Variants in ALMS1 observed in about 807,000 individuals in gnomAD.
The protein encoded by ALMS1 is ALMS1 centrosome and basal body associated protein.
Under a neutral mutation model 352.2 loss-of-function variants are expected in ALMS1, and 271 were observed. The ratio of observed to expected loss-of-function variants is 0.77; its 90% CI spans 0.70 to 0.85. The LOEUF is 0.85. Among genes scored for constraint, ALMS1 ranks in the 40% least tolerant of loss-of-function variants. The pLI is 0.00. For missense variants in ALMS1, 5,445 were observed against 4,870.7 expected (o/e 1.12, Z -3.51); for synonymous variants, 1,865 against 1,761.2 (o/e 1.06, Z -1.48).
At chr2:73,504,544 T>C (rs956540726) in intron 10 of ALMS1, among the ~76,000 whole-genome samples, 2 of 152,186 alleles carry the variant, frequency 1.3e-5, no homozygotes, top group Non-Finnish European at 2.9e-5. Flanking sequence ...CATGTAAACT[T>C]TGAGATGTGT....
At chr2:73,558,904 T>G (rs1573019338) in intron 14 of ALMS1, 68 bp from the exon 15 acceptor site, 35 of 1,518,884 alleles carry the variant, frequency 2.3e-5, no homozygotes, top group Non-Finnish European at 2.8e-5. Context: ...AATACGTACT[T>G]GAGAGACATT....
At chr2:73,545,782 A>G (rs187435019) in intron 12 of ALMS1, among the ~76,000 whole-genome samples, 40 of 152,326 alleles carry the variant, frequency 2.6e-4, no homozygotes, top group African/African-American at 9.6e-4. Flanking sequence ...AAAAGAGGAG[A>G]GAAAGAATTT....
rs1473195991 is a variant in ALMS1, at chr2:73,572,855, G to C, written c.10978G>C (p.Val3660Leu). 6.2e-7 allele frequency: 1 copy of C among 1,614,080 alleles called. No homozygotes were observed. Among genetic ancestry groups the C allele is most frequent in the South Asian group, 1.1e-5 (1 of 91,074 alleles). The stretch of plus-strand genomic sequence containing the variant: ...TGATGATAGCAGAGGGGAACGAAGT[G>C]TGAAGGAATGGAGTGGTAGACAACA... The part of the protein sequence containing the change: ...THDDSRGERS[V>L]KEWSGRQQQR... The change falls in exon 16 of 23, where the codon GTG becomes CTG. Residue 3660 changes from valine (V) to leucine (L), a missense_variant. Transcript: ENST00000613296.
chr2:73,523,768 C>A (rs1341825383), intron 11 of ALMS1, among the ~76,000 whole-genome samples: 1 of 151,404 alleles, frequency 6.6e-6, no homozygotes, highest in Non-Finnish European at 1.5e-5. Context: ...CTCCTTCCCC[C>A]TTCCCCACCA....
Position 73,455,172 on chromosome 2 carries a change from G to A in ALMS1, c.7551G>A (p.Met2517Ile), listed in dbSNP as rs1672033866. The A allele has an allele frequency of 6.2e-7, 1 of 1,613,302 alleles. No individual in the cohort carries two copies. Among genetic ancestry groups the A allele is most frequent in the Non-Finnish European group, 8.5e-7 (1 of 1,179,746 alleles). Residue 2517 changes from methionine to isoleucine, a missense_variant, in exon 9 of 23, where the codon ATG becomes ATA. Met to Ile is a conservative substitution (Grantham distance 10, BLOSUM62 1). Transcript: ENST00000613296. ...ATGCTTTCTCTCCAGCCTGGAATAT[G>A]AAGTTCAATTTAGCACATGATTGTG... ...ESRVRAHAWNMKFNLAHDCGY... is the reference protein window; with the variant it reads ...ESRVRAHAWNIKFNLAHDCGY...
At chr2:73,495,220 A>G (rs1673079756) in intron 10 of ALMS1, among the ~76,000 whole-genome samples, 1 of 151,466 alleles carries the variant, frequency 6.6e-6, no homozygotes, top group Non-Finnish European at 1.5e-5. Flanking sequence ...CCCTCTTTTT[A>G]TTGTTGTTGT....
intron 16 of ALMS1, among the ~76,000 whole-genome samples, chr2:73,578,151 C>G (rs575211646): frequency 1.8e-4 from 28 of 152,252 alleles, no homozygotes; most frequent in African/African-American, 6.5e-4. Flanking sequence ...TCTCTTGTAA[C>G]AATTTTTAAT....
chr2:73,450,917 C>G lies in ALMS1; in HGVS notation c.4390C>G (p.Gln1464Glu), dbSNP rs904289501. 1.2e-6 allele frequency: 2 copies of G among 1,613,988 alleles called. No individual in the cohort carries two copies. Among genetic ancestry groups the G allele is most frequent in the South Asian group, 1.1e-5 (1 of 91,058 alleles). ...TTCAGTTGCTCCTGGACCAGTTGAC[C>G]AGACGATTGGCACACCAACTGTAAC... The part of the protein sequence containing the change: ...EVSVAPGPVD[Q>E]TIGTPTVTSP... The change falls in exon 8 of 23, where the codon CAG (glutamine) becomes GAG (glutamate). Residue 1464 changes from glutamine (Q) to glutamate (E), a missense_variant. Coordinates refer to ENST00000613296, the MANE Select transcript of ALMS1 (RefSeq NM_001378454.1).
chr2:73,571,252 A>G (rs575120797), intron 15 of ALMS1, among the ~76,000 whole-genome samples: 1 of 152,328 alleles, frequency 6.6e-6, no homozygotes, highest in South Asian at 2.1e-4. Flanking sequence ...GGATCCCATC[A>G]TTGCATGTGT....
intron 16 of ALMS1, among the ~76,000 whole-genome samples, chr2:73,590,358 A>G (rs1171459243): frequency 3.3e-5 from 5 of 152,200 alleles, no homozygotes; most frequent in Admixed American, 3.3e-4. Flanking sequence ...TGTTCCAAAT[A>G]CCCATGGAAT....
chr2:73,555,162 CAAAA>C (rs1674518116), intron 13 of ALMS1, among the ~76,000 whole-genome samples: 1 of 151,926 alleles, frequency 6.6e-6, no homozygotes, highest in African/African-American at 2.4e-5. Flanking sequence ...TATGGAAAAT[CAAAA>C]AACGTATATT....
intron 15 of ALMS1, among the ~76,000 whole-genome samples, chr2:73,564,763 C>G (rs1421716665): frequency 6.6e-6 from 1 of 152,144 alleles, no homozygotes; most frequent in Non-Finnish European, 1.5e-5. Context: ...GTGGGCTACA[C>G]TCTTACTATA....
chr2:73,583,303 T>C (rs1421498827), intron 16 of ALMS1, among the ~76,000 whole-genome samples: 2 of 151,982 alleles, frequency 1.3e-5, no homozygotes, highest in Admixed American at 1.3e-4. Context: ...GCTGGGATTA[T>C]AGGCATGAGC....
chr2:73,491,007 C>G lies in ALMS1; in HGVS notation c.9048C>G (p.Phe3016Leu). ...CTAATATAAATGTTGAAGCCAAGTT[C>G]AATACTGTGGTCTCCCAGTCAGCCC... Reference protein sequence around the residue: ...HISNINVEAKFNTVVSQSAPN... With the variant: ...HISNINVEAKLNTVVSQSAPN... The change falls in exon 10 of 23, where the codon TTC becomes TTG. Residue 3016 changes from phenylalanine to leucine, a missense_variant. Coordinates refer to ENST00000613296, the MANE Select transcript of ALMS1 (RefSeq NM_001378454.1). The G allele has an allele frequency of 6.2e-7, 1 of 1,614,208 alleles. No homozygotes were observed.
intron 16 of ALMS1, among the ~76,000 whole-genome samples, chr2:73,593,587 A>G (rs1474957740): frequency 6.6e-6 from 1 of 152,106 alleles, no homozygotes; most frequent in South Asian, 2.1e-4. Flanking sequence ...TTCTTGACAT[A>G]TTTTCCATGC....
intron 10 of ALMS1, among the ~76,000 whole-genome samples, chr2:73,502,485 C>G (rs1489805544): frequency 3.3e-5 from 5 of 152,064 alleles, no homozygotes; most frequent in African/African-American, 1.2e-4. Flanking sequence ...GCCCTGTTCC[C>G]TATTCCTGGA....
At chr2:73,565,901 C>T (rs1044438600) in intron 15 of ALMS1, among the ~76,000 whole-genome samples, 22 of 151,982 alleles carry the variant, frequency 1.4e-4, no homozygotes, top group Admixed American at 5.2e-4. Flanking sequence ...CTAAGAGAAG[C>T]CTAAGGAGAC....
At chr2:73,503,933 TG>T (rs1673267783) in intron 10 of ALMS1, among the ~76,000 whole-genome samples, 1 of 152,210 alleles carries the variant, frequency 6.6e-6, no homozygotes, top group African/African-American at 2.4e-5. Flanking sequence ...ATGGAAGGTA[TG>T]TTTAAATTAT....
intron 6 of ALMS1, among the ~76,000 whole-genome samples, chr2:73,428,308 G>A (rs1174733692): frequency 2.0e-5 from 3 of 152,002 alleles, no homozygotes; most frequent in Non-Finnish European, 4.4e-5. Context: ...TCAGCAATTG[G>A]GGGAACCAGT....
Sources: gnomAD v4.1 joint callset for allele counts (sites outside exome capture counted in the v4.1 genomes callset) on GRCh38, gnomAD v4.1.1 for gene constraint, MANE v1.5 for transcripts, NCBI Gene and HGNC (gene_info 2026-07-23, HGNC 2026-07-21) for gene names.